The following RAD51C variants were observed in gnomAD, a reference collection of about 807,000 sequenced individuals.
The protein encoded by RAD51C is RAD51 paralog C, also known as DNA repair protein RAD51 homolog 3.
Under a neutral mutation model 45.0 loss-of-function variants are expected in RAD51C, and 42 were observed. That is an observed-to-expected ratio of 0.93 (90% CI 0.73 to 1.21). The LOEUF (loss-of-function observed/expected upper bound fraction) is 1.21. RAD51C is among the 50% of genes most tolerant of loss of function. The pLI, the probability that RAD51C is intolerant of heterozygous loss-of-function variation, is 0.00. For synonymous variants in RAD51C, 172 were observed against 159.8 expected, an observed-to-expected ratio of 1.08 and a Z score of -0.58; for missense variants, 474 against 452.2, an observed-to-expected ratio of 1.05 and a Z score of -0.44.
Position 58,735,596 on chromosome 17 carries a change from A to C in RAD51C, c.*1374A>C, listed in dbSNP as rs975139221. Reference sequence around the variant, plus strand: ...AATCTTAACTTTGCTTAAATAAATTAAAGATTTCAATTCTCGATGGTTTCA... The same window carrying C: ...AATCTTAACTTTGCTTAAATAAATTCAAGATTTCAATTCTCGATGGTTTCA... On this transcript the variant is annotated 3_prime_UTR_variant, in exon 9 of 9. Coordinates refer to ENST00000337432, the MANE Select transcript of RAD51C (RefSeq NM_058216.3). 1 of 152,234 alleles carries C rather than the reference A, an allele frequency of 6.6e-6. No individual in the cohort carries two copies. Among genetic ancestry groups the C allele is most frequent in the Non-Finnish European group, 1.5e-5 (1 of 68,042 alleles). The allele number at this position is 152,234 out of a possible 1,614,324, so 9.4% of individuals were successfully genotyped here.
intron 6 of RAD51C, 102 bp downstream of exon 6, chr17:58,720,914 A>C (rs568149325): frequency 2.1e-6 from 2 of 961,486 alleles, no homozygotes; most frequent in South Asian, 2.7e-5. Context: ...AGCAGACTGT[A>C]TTTGTCTTGT....
chr17:58,698,768 A>G (rs1420066184), intron 3 of RAD51C, among the ~76,000 whole-genome samples: 5 of 151,296 alleles, frequency 3.3e-5, no homozygotes, highest in Non-Finnish European at 7.4e-5. Flanking sequence ...TAAAAATACA[A>G]AAAATTAGCC....
chr17:58,732,591 A>C (rs1391954043), intron 8 of RAD51C, 47 bp downstream of exon 8: 1 of 1,539,882 alleles, frequency 6.5e-7, no homozygotes, highest in Non-Finnish European at 9.0e-7. Flanking sequence ...GATGGGCGGT[A>C]ATTATCTAAA....
chr17:58,707,400 T>C (rs1345813218), intron 4 of RAD51C, among the ~76,000 whole-genome samples: 1 of 151,950 alleles, frequency 6.6e-6, no homozygotes, highest in Non-Finnish European at 1.5e-5. Flanking sequence ...GTGTGCCTGT[T>C]AATCCCAGCT....
chr17:58,732,402 TTAAA>T, intron 7 of RAD51C, 78 bp from the exon 8 acceptor site: 1 of 1,168,648 alleles, frequency 8.6e-7, no homozygotes. Flanking sequence ...ACCTATACAT[TTAAA>T]TAATGAGTTT....
intron 1 of RAD51C, 125 bp downstream of exon 1, chr17:58,692,913 T>TA (rs2047832148): frequency 7.0e-7 from 1 of 1,432,262 alleles, no homozygotes; most frequent in Non-Finnish European, 9.7e-7. Flanking sequence ...CGTCCATGTT[T>TA]ACAGCGTGAA....
rs876658644 is a variant in RAD51C at position 58,703,330 on chromosome 17, G to T, written c.705+1G>T. 2 of 1,611,030 alleles carry T rather than the reference G, an allele frequency of 1.2e-6. No homozygotes were observed. The highest frequency in any genetic ancestry group is 1.3e-5 in the African/African-American group (1 of 74,952). On this transcript the variant is annotated splice_donor_variant, in intron 4 of 8. Coordinates refer to ENST00000337432, the MANE Select transcript of RAD51C (RefSeq NM_058216.3). LOFTEE classifies it high-confidence loss of function. The stretch of plus-strand genomic sequence containing the variant: ...AGATTTCCTTTCAGAACACTCAAAG[G>T]TATGAGTCAGACTACTGAAATGTAA...
At chr17:58,729,505 G>A (rs1304068859) in intron 7 of RAD51C, among the ~76,000 whole-genome samples, 5 of 151,654 alleles carry the variant, frequency 3.3e-5, no homozygotes, top group African/African-American at 4.8e-5. Flanking sequence ...GTGAGCCACC[G>A]CGCCCGGCCT....
chr17:58,693,751 T>G (rs1351756158), intron 1 of RAD51C: 3 of 152,160 alleles, frequency 2.0e-5, no homozygotes, highest in Non-Finnish European at 4.4e-5. Context: ...ATTCCCATTT[T>G]ATAGACGAAA....
Position 58,692,906 on chromosome 17 carries a change from C to A in RAD51C, c.145+118C>A. ...CGTTAGATTCTGCTTCCTCCCACGT[C>A]CATGTTTACAGCGTGAAAGAGCTCC... On this transcript the variant is annotated intron_variant, in intron 1 of 8. Coordinates refer to ENST00000337432, the MANE Select transcript of RAD51C (RefSeq NM_058216.3). 5.5e-6 allele frequency: 8 copies of A among 1,463,150 alleles called. No individual in the cohort carries two copies. In the East Asian group the frequency reaches 1.8e-4, roughly 33 times the overall value. 90.6% of individuals were successfully genotyped at this position (1,463,150 alleles called of 1,614,324 possible). A position where few individuals can be genotyped will look rare whatever the true frequency, so the allele number is the denominator to read the frequency against.
At chr17:58,724,944 C>G (rs2049061984) in intron 7 of RAD51C, among the ~76,000 whole-genome samples, 1 of 152,046 alleles carries the variant, frequency 6.6e-6, no homozygotes, top group South Asian at 2.1e-4. Flanking sequence ...ATTTTTTAAT[C>G]TATATTTCTT....
chr17:58,693,753 T>C (rs1428728320), intron 1 of RAD51C: 1 of 152,162 alleles, frequency 6.6e-6, no homozygotes, highest in Non-Finnish European at 1.5e-5. Context: ...TCCCATTTTA[T>C]AGACGAAAAA....
intron 6 of RAD51C, among the ~76,000 whole-genome samples, chr17:58,723,074 A>G (rs1715677753): frequency 2.0e-5 from 3 of 152,270 alleles, no homozygotes; most frequent in Middle Eastern, 3.4e-3. Context: ...GCTGAGTTCA[A>G]CTGCCCTCTT....
chr17:58,729,215 T>G (rs991490037), intron 7 of RAD51C, among the ~76,000 whole-genome samples: 4 of 152,076 alleles, frequency 2.6e-5, no homozygotes, highest in African/African-American at 9.7e-5. Flanking sequence ...GATTTTTTTG[T>G]TTTGTTTGGT....
Position 58,703,297 on chromosome 17 carries a change from C to A in RAD51C, c.673C>A (p.Leu225Ile). 1 of 1,611,726 alleles carries A rather than the reference C, an allele frequency of 6.2e-7. No individual in the cohort carries two copies. The highest frequency in any genetic ancestry group is 8.5e-7 in the Non-Finnish European group (1 of 1,178,046). Residue 225 changes from leucine to isoleucine, a missense_variant, in exon 4 of 9, where the codon CTT becomes ATT. Transcript: ENST00000337432. ...DYTELLAQVY[L>I]LPDFLSEHSK... is the part of the protein sequence containing the mutation. ...CACAGAGTTACTGGCACAAGTTTAT[C>A]TTCTTCCAGATTTCCTTTCAGAACA... is the stretch of plus-strand genomic sequence containing the variant.
At chr17:58,692,575 C>T (rs1319598133), upstream of RAD51C, 33 of 1,591,970 alleles carry the variant, frequency 2.1e-5, no homozygotes, top group Non-Finnish European at 2.7e-5. Context: ...TTACGTCTGA[C>T]GTCACGCCGC....
intron 7 of RAD51C, among the ~76,000 whole-genome samples, chr17:58,730,466 C>T (rs989251882): frequency 1.3e-5 from 2 of 151,924 alleles, no homozygotes; most frequent in East Asian, 1.9e-4. Flanking sequence ...CGTGAGCCAC[C>T]GCACCCAGCC....
rs763504056 is a variant in RAD51C, at chr17:58,734,271, A to G, written c.*49A>G. The G allele has an allele frequency of 1.9e-6, 3 of 1,579,874 alleles. No individual in the cohort carries two copies. Among genetic ancestry groups the G allele is most frequent in the East Asian group, 4.6e-5 (2 of 43,560 alleles). On this transcript the variant is annotated 3_prime_UTR_variant, in exon 9 of 9. Transcript: ENST00000337432. ...ACAAATTTATTGATGTTGTGAAATCAATGTGTACAAGTGGACTTGTTACCT... is the reference window on the plus strand; with the variant it reads ...ACAAATTTATTGATGTTGTGAAATCGATGTGTACAAGTGGACTTGTTACCT...
At position 58,696,706 on chromosome 17, in the gene RAD51C, G is replaced by T; in HGVS notation, c.418G>T (p.Val140Leu). Reference sequence around the variant, plus strand: ...TTCTGTTGACAGTATGCAGTTGGCAGTAGATGTGCAGATACCAGAATGTTT... The same window carrying T: ...TTCTGTTGACAGTATGCAGTTGGCATTAGATGTGCAGATACCAGAATGTTT... The part of the protein sequence containing the change: ...GKTQLCMQLA[V>L]DVQIPECFGG... The change falls in exon 3 of 9, where the codon GTA becomes TTA. Residue 140 changes from valine (V) to leucine (L), a missense_variant. Val to Leu is a conservative substitution (Grantham distance 32, BLOSUM62 1). Coordinates refer to ENST00000337432, the MANE Select transcript of RAD51C (RefSeq NM_058216.3). 6.2e-7 allele frequency: 1 copy of T among 1,614,184 alleles called. No individual in the cohort carries two copies. The highest frequency in any genetic ancestry group is 8.5e-7 in the Non-Finnish European group (1 of 1,180,036).
Sources: gnomAD v4.1 joint callset for allele counts (sites outside exome capture counted in the v4.1 genomes callset) on GRCh38, gnomAD v4.1.1 for gene constraint, MANE v1.5 for transcripts, NCBI Gene and HGNC (gene_info 2026-07-23, HGNC 2026-07-21) for gene names.